The following AUTS2 variants were observed in gnomAD, a reference collection of about 807,000 sequenced individuals.
The protein encoded by AUTS2 is activator of transcription and developmental regulator AUTS2, also known as autism susceptibility gene 2 protein.
Under a neutral mutation model 112.4 loss-of-function variants are expected in AUTS2, and 17 were observed. The ratio of observed to expected loss-of-function variants is 0.15; its 90% confidence interval spans 0.10 to 0.23. The LOEUF (loss-of-function observed/expected upper bound fraction) is 0.23. AUTS2 is among the 10% of genes least tolerant of loss of function. The pLI is 1.00. For missense variants in AUTS2, 1,510 were observed against 1,701.6 expected, an observed-to-expected ratio of 0.89 and a Z score of 1.98; for synonymous variants, 751 against 702.7, an observed-to-expected ratio of 1.07 and a Z score of -1.09.
At position 70,020,661 on chromosome 7, in the gene AUTS2, T is replaced by C. The variant is rs148109825; in HGVS notation, c.523-97471T>C. ...TCAGTAGAGGATGCTTTAGGACCTTTTTTCTTCTTTCTTTCTTTCTTCCTT... is the reference window on the plus strand; with the variant it reads ...TCAGTAGAGGATGCTTTAGGACCTTCTTTCTTCTTTCTTTCTTTCTTCCTT... On this transcript the variant is annotated intron_variant, in intron 2 of 18. Transcript: ENST00000342771. Among the ~76,000 whole-genome samples, 373 of 152,120 alleles carry C rather than the reference T, an allele frequency of 2.5e-3. 1 individual carries two copies. Among genetic ancestry groups the C allele is most frequent in the African/African-American group, 8.3e-3 (343 of 41,518 alleles).
At chr7:70,670,080 C>T (rs1807558274) in intron 5 of AUTS2, among the ~76,000 whole-genome samples, 1 of 152,206 alleles carries the variant, frequency 6.6e-6, no homozygotes, top group Admixed American at 6.5e-5. Context: ...ACACCCCGTC[C>T]CTGCTACGCT....
chr7:70,545,359 G>C (rs984065773), intron 5 of AUTS2, among the ~76,000 whole-genome samples: 2 of 152,208 alleles, frequency 1.3e-5, no homozygotes, highest in Admixed American at 6.5e-5. Flanking sequence ...CCATCTCTTC[G>C]GAGAGAAAGT....
intron 1 of AUTS2, among the ~76,000 whole-genome samples, chr7:69,869,318 A>G (rs1584365341): frequency 6.6e-6 from 1 of 152,020 alleles, no homozygotes; most frequent in African/African-American, 2.4e-5. Flanking sequence ...CTGCCACAGT[A>G]CCTTCATTAG....
chr7:70,599,104 GT>G (rs1343318576), intron 5 of AUTS2, among the ~76,000 whole-genome samples: 12 of 152,280 alleles, frequency 7.9e-5, no homozygotes, highest in Middle Eastern at 3.4e-3. Context: ...TGTGTAGTGG[GT>G]ATCAGTCAGC....
At chr7:70,685,574 G>A (rs1808433846) in intron 5 of AUTS2, among the ~76,000 whole-genome samples, 1 of 151,640 alleles carries the variant, frequency 6.6e-6, no homozygotes, top group South Asian at 2.1e-4. Context: ...TATGTGGTAT[G>A]ACTTGTTGAA....
intron 2 of AUTS2, among the ~76,000 whole-genome samples, chr7:70,045,179 G>A (rs2129558424): frequency 6.6e-6 from 1 of 152,136 alleles, no homozygotes; most frequent in East Asian, 1.9e-4. Context: ...GTTAATCCTG[G>A]GGCAAAGTTT....
intron 2 of AUTS2, among the ~76,000 whole-genome samples, chr7:70,039,702 T>C (rs1455107161): frequency 2.6e-5 from 4 of 152,074 alleles, no homozygotes; most frequent in Admixed American, 2.6e-4. Context: ...TTAACGAGAT[T>C]TTTCCCAGTT....
At chr7:70,400,361 A>G (rs972105917) in intron 4 of AUTS2, among the ~76,000 whole-genome samples, 6 of 152,194 alleles carry the variant, frequency 3.9e-5, no homozygotes, top group African/African-American at 1.2e-4. Flanking sequence ...TGTTTACACT[A>G]TCTAGAGTGG....
At chr7:70,055,964 G>A (rs563603074) in intron 2 of AUTS2, among the ~76,000 whole-genome samples, 29 of 152,066 alleles carry the variant, frequency 1.9e-4, no homozygotes, top group African/African-American at 5.8e-4. Context: ...GATTATAGGC[G>A]TGAGCCACCA....
In AUTS2 at chr7:69,989,496, C is replaced by T. The variant is rs76033041; in HGVS notation, c.522+89998C>T. On this transcript the variant is annotated intron_variant, in intron 2 of 18. Transcript: ENST00000342771. ...TGTAGAGCCTGACACATAAGAGTTACGTAATAAATATTTGGTGTGTGGGAT... is the reference window on the plus strand; with the variant it reads ...TGTAGAGCCTGACACATAAGAGTTATGTAATAAATATTTGGTGTGTGGGAT... 8.9e-3 allele frequency among the ~76,000 whole-genome samples: 1,342 copies of T among 151,326 alleles called. 22 individuals carry two copies. The highest frequency in any genetic ancestry group is 0.031 in the African/African-American group (1,274 of 41,096).
rs1460435152 is a variant in AUTS2, at chr7:70,567,386, A to T, written c.691-131183A>T. On this transcript the variant is annotated intron_variant, in intron 5 of 18. Transcript: ENST00000342771. Reference sequence around the variant, plus strand: ...CAGCAGTATGGGGTCATCAAAAAAAATTTCCATTGAGAGTGCCCAGACCTG... The same window carrying T: ...CAGCAGTATGGGGTCATCAAAAAAATTTTCCATTGAGAGTGCCCAGACCTG... Among the ~76,000 whole-genome samples, 5 of 152,148 alleles carry T rather than the reference A, an allele frequency of 3.3e-5. No individual in the cohort carries two copies. The South Asian group carries it at 8.3e-4, about 25-fold the overall frequency.
chr7:69,914,346 C>CACACACACAG (rs1413041389), intron 2 of AUTS2, among the ~76,000 whole-genome samples: 2 of 138,840 alleles, frequency 1.4e-5, no homozygotes. Context: ...GACACAGACA[C>CACACACACAG]ACACACACAG....
chr7:69,652,412 A>G (rs1239997919), intron 1 of AUTS2, among the ~76,000 whole-genome samples: 1 of 150,984 alleles, frequency 6.6e-6, no homozygotes, highest in African/African-American at 2.4e-5. Flanking sequence ...AAAGAGAGTC[A>G]GGTGAGATGT....
intron 5 of AUTS2, among the ~76,000 whole-genome samples, chr7:70,452,293 T>C (rs757380441): frequency 6.6e-6 from 1 of 151,978 alleles, no homozygotes; most frequent in Non-Finnish European, 1.5e-5. Context: ...ACCCCATCTC[T>C]ACAAAAAAAA....
chr7:70,581,810 A>C (rs1563055678), intron 5 of AUTS2, among the ~76,000 whole-genome samples: 1 of 152,154 alleles, frequency 6.6e-6, no homozygotes, highest in Admixed American at 6.5e-5. Flanking sequence ...GCATTTTTTT[A>C]ATGTGGTGTA....
At chr7:69,930,182 C>A (rs10216186) in intron 2 of AUTS2, among the ~76,000 whole-genome samples, 12,544 of 152,192 alleles carry the variant, frequency 0.082, 666 homozygotes, top group African/African-American at 0.14. Context: ...CTGTGCGAGT[C>A]CCAAGAAATG....
intron 1 of AUTS2, among the ~76,000 whole-genome samples, chr7:69,837,882 T>C (rs1337542171): frequency 6.6e-6 from 1 of 152,182 alleles, no homozygotes; most frequent in Non-Finnish European, 1.5e-5. Flanking sequence ...CTCCCTGGGA[T>C]GTGTAGCTTC....
At chr7:70,261,885 A>G (rs771810601) in intron 4 of AUTS2, among the ~76,000 whole-genome samples, 5 of 152,262 alleles carry the variant, frequency 3.3e-5, no homozygotes, top group Non-Finnish European at 4.4e-5. Flanking sequence ...CTCTAGATTC[A>G]TGTCTTTATA....
At chr7:70,622,130 G>A (rs1240172322) in intron 5 of AUTS2, among the ~76,000 whole-genome samples, 6 of 151,888 alleles carry the variant, frequency 4.0e-5, no homozygotes, top group East Asian at 1.9e-4. Flanking sequence ...GAGCCATTGC[G>A]CCTGGCTAGC....
Sources: allele counts gnomAD v4.1 joint callset (sites outside exome capture counted in the v4.1 genomes callset), GRCh38; gene constraint gnomAD v4.1.1; transcripts MANE v1.5; gene names NCBI Gene and HGNC (gene_info 2026-07-23, HGNC 2026-07-21).